TCF20: variants seen among roughly 807,000 people sequenced by gnomAD.
TCF20 encodes the protein transcription factor 20.
A neutral mutation model predicts 148.6 loss-of-function variants in TCF20; 3 were observed. That is an observed-to-expected ratio of 0.02 (90% CI 0.01 to 0.05). The LOEUF (loss-of-function observed/expected upper bound fraction) is 0.05, where lower values mean the gene tolerates loss of function less well. Ranked by LOEUF, TCF20 falls within the 10% of genes least tolerant of loss-of-function variation. The pLI is 1.00. For synonymous variants in TCF20, 1,049 were observed against 909.5 expected, an observed-to-expected ratio of 1.15 and a Z score of -2.76; for missense variants, 2,350 against 2,429.3, an observed-to-expected ratio of 0.97 and a Z score of 0.69.
chr22:42,300,094 G>A (rs1927309389), intron 1 of TCF20, among the ~76,000 whole-genome samples: 1 of 152,134 alleles, frequency 6.6e-6, no homozygotes. Flanking sequence ...GCTGGGCCTG[G>A]GGCTGCTGAA....
At chr22:42,227,882 C>G (rs1923057280) in intron 1 of TCF20, among the ~76,000 whole-genome samples, 1 of 152,178 alleles carries the variant, frequency 6.6e-6, no homozygotes, top group African/African-American at 2.4e-5. Context: ...CTGATATTTA[C>G]CACATTCACC....
chr22:42,234,645 C>T (rs1223671566), intron 1 of TCF20, among the ~76,000 whole-genome samples: 3 of 152,034 alleles, frequency 2.0e-5, no homozygotes, highest in African/African-American at 4.8e-5. Context: ...GAAGATTGAG[C>T]GTCCCACTTA....
intron 1 of TCF20, among the ~76,000 whole-genome samples, chr22:42,306,844 G>A (rs531206183): frequency 1.3e-4 from 20 of 152,190 alleles, no homozygotes; most frequent in African/African-American, 4.6e-4. Context: ...TTCGAGACCA[G>A]CCTGGACAAC....
intron 1 of TCF20, among the ~76,000 whole-genome samples, chr22:42,281,776 T>A (rs1926907956): frequency 6.6e-6 from 1 of 152,204 alleles, no homozygotes; most frequent in Admixed American, 6.5e-5. Flanking sequence ...AGCTGTTCCA[T>A]CCTGGTGGTC....
intron 1 of TCF20, among the ~76,000 whole-genome samples, chr22:42,334,259 C>T: frequency 6.6e-6 from 1 of 152,202 alleles, no homozygotes; most frequent in East Asian, 1.9e-4. Context: ...TGCCAACAAC[C>T]TAGGGACAGG....
In TCF20 at chr22:42,210,640, G is replaced by A; in HGVS notation, c.4666C>T (p.Pro1556Ser). 6.2e-7 allele frequency: 1 copy of A among 1,614,144 alleles called. No individual in the cohort carries two copies. The highest frequency in any genetic ancestry group is 8.5e-7 in the Non-Finnish European group (1 of 1,180,024). The change falls in exon 2 of 6, where the codon CCA (proline) becomes TCA (serine). Residue 1556 changes from proline (P) to serine (S), a missense_variant. Around this residue, in one of 7 missense-constraint regions of TCF20, gnomAD observed 374 missense variants for 398.3 expected, o/e 0.94. Coordinates refer to ENST00000677622, the MANE Select transcript of TCF20 (RefSeq NM_001378418.1). This position sits in a 1 kb window ranked among gnomAD's most constrained non-coding sequence, Gnocchi z 4.7. ...SVNKQKKQQQ[P>S]PPPPPQPPQI... ...GGGGGCTGAGGGGGTGGAGGCGGTG[G>A]CTGCTGCTGTTTCTTTTGCTTATTC...
intron 1 of TCF20, among the ~76,000 whole-genome samples, chr22:42,327,898 G>A (rs1014144873): frequency 3.3e-5 from 5 of 151,506 alleles, no homozygotes; most frequent in African/African-American, 7.3e-5. Context: ...ACTCCCTACC[G>A]CAGGGGCTTT....
At chr22:42,174,554 A>G (rs1050047232) in intron 3 of TCF20, among the ~76,000 whole-genome samples, 1 of 152,120 alleles carries the variant, frequency 6.6e-6, no homozygotes. Flanking sequence ...AGTATTCCCA[A>G]TATAAAACTA....
intron 1 of TCF20, among the ~76,000 whole-genome samples, chr22:42,268,727 T>C (rs1926427534): frequency 6.6e-6 from 1 of 152,206 alleles, no homozygotes; most frequent in South Asian, 2.1e-4. Context: ...ATAACTTCTT[T>C]CACAAAGACA....
chr22:42,296,261 C>T (rs1262621231), intron 1 of TCF20, among the ~76,000 whole-genome samples: 1 of 152,236 alleles, frequency 6.6e-6, no homozygotes, highest in Non-Finnish European at 1.5e-5. Context: ...CCTTGACCCC[C>T]AGCACAGGCC....
intron 1 of TCF20, among the ~76,000 whole-genome samples, chr22:42,245,954 G>A (rs1862065708): frequency 6.6e-6 from 1 of 151,974 alleles, no homozygotes; most frequent in Non-Finnish European, 1.5e-5. Flanking sequence ...TGATCTAGTT[G>A]TCTGTTTCCC....
Position 42,213,019 on chromosome 22 carries a change from G to A in TCF20, c.2287C>T (p.His763Tyr). The part of the protein sequence containing the change: ...LQEVLQGYHH[H>Y]PDRRYSRSTQ... Reference sequence around the variant, plus strand: ...CTCCTAGAATATCTCCTGTCAGGGTGGTGGTGGTAACCCTGAAGCACTTCC... The same window carrying A: ...CTCCTAGAATATCTCCTGTCAGGGTAGTGGTGGTAACCCTGAAGCACTTCC... Residue 763 changes from histidine to tyrosine, a missense_variant, in exon 2 of 6, where the codon CAC (histidine) becomes TAC (tyrosine). Coordinates refer to ENST00000677622, the MANE Select transcript of TCF20 (RefSeq NM_001378418.1). 1 of 1,614,100 alleles carries A rather than the reference G, an allele frequency of 6.2e-7. No individual in the cohort carries two copies. Among genetic ancestry groups the A allele is most frequent in the Non-Finnish European group, 8.5e-7 (1 of 1,180,010 alleles).
At chr22:42,337,008 T>C (rs1290326905) in intron 1 of TCF20, among the ~76,000 whole-genome samples, 3 of 152,220 alleles carry the variant, frequency 2.0e-5, no homozygotes, top group Non-Finnish European at 4.4e-5. Context: ...ACAGTGGCTG[T>C]GCGTGAAGAG....
intron 1 of TCF20, among the ~76,000 whole-genome samples, chr22:42,256,463 T>C (rs1382887869): frequency 1.3e-5 from 2 of 151,950 alleles, no homozygotes; most frequent in Non-Finnish European, 2.9e-5. Context: ...CGCTAGCCAA[T>C]GTAGCAAAGT....
At chr22:42,295,290 A>G (rs6002673) in intron 1 of TCF20, among the ~76,000 whole-genome samples, 52,616 of 151,916 alleles carry the variant, frequency 0.35, 10,227 homozygotes, top group East Asian at 0.63. Flanking sequence ...ACCCTCTGTG[A>G]GCCAGCCCTA....
At chr22:42,287,668 A>G (rs1356043891), upstream of TCF20, among the ~76,000 whole-genome samples, 1 of 152,188 alleles carries the variant, frequency 6.6e-6, no homozygotes, top group Non-Finnish European at 1.5e-5. Context: ...TTCAGAGCTC[A>G]GTTGATCCTC....
rs568049368 is a variant in TCF20, at chr22:42,161,428, C to T, written c.*45-70G>A. Reference sequence around the variant, plus strand: ...GGTCCACCACCAACAGCCGCTGTTCCGTGGTACCCCTGGGAGCTTTCAGCA... The same window carrying T: ...GGTCCACCACCAACAGCCGCTGTTCTGTGGTACCCCTGGGAGCTTTCAGCA... On this transcript the variant is annotated intron_variant, in intron 5 of 5. Transcript: ENST00000677622. 1.3e-4 allele frequency: 214 copies of T among 1,607,616 alleles called. No homozygotes were observed. In the Admixed American group the frequency reaches 3.2e-3, roughly 24 times the overall value.
intron 1 of TCF20, among the ~76,000 whole-genome samples, chr22:42,258,488 C>T (rs187557506): frequency 6.6e-6 from 1 of 152,282 alleles, no homozygotes; most frequent in Non-Finnish European, 1.5e-5. Context: ...TCTCCTGCAT[C>T]TTCAACACCA....
intron 1 of TCF20, among the ~76,000 whole-genome samples, chr22:42,327,136 C>G (rs867987188): frequency 3.3e-5 from 5 of 152,222 alleles, no homozygotes; most frequent in South Asian, 2.1e-4. Context: ...GGCGGAGGCA[C>G]TGGGTGCCCA....
Sources: allele counts gnomAD v4.1 joint callset (sites outside exome capture counted in the v4.1 genomes callset), GRCh38; gene constraint gnomAD v4.1.1; regional missense constraint gnomAD v4.1.1; non-coding constraint Gnocchi (gnomAD v3.1); transcripts MANE v1.5; gene names NCBI Gene and HGNC (gene_info 2026-07-23, HGNC 2026-07-21).